Variants in FGL1 observed in about 807,000 individuals in gnomAD.
The protein encoded by FGL1 is fibrinogen like 1.
FGL1 carries 59 observed loss-of-function variants against 43.7 expected under a neutral mutation model. That is an observed-to-expected ratio of 1.35 (90% confidence interval 1.10 to 1.68). FGL1 has a LOEUF of 1.68. Ranked by LOEUF, FGL1 falls within the 40% of genes most tolerant of loss-of-function variation. The pLI, the probability that FGL1 is intolerant of heterozygous loss-of-function variation, is 0.00. For missense variants in FGL1, 596 were observed against 373.0 expected (o/e 1.60, Z -4.92); for synonymous variants, 192 against 126.5 (o/e 1.52, Z -3.48).
chr8:17,871,703 T>C (rs564339481), intron 5 of FGL1, among the ~76,000 whole-genome samples: 1 of 152,170 alleles, frequency 6.6e-6, no homozygotes, highest in Non-Finnish European at 1.5e-5. Flanking sequence ...TTAGCCGTAA[T>C]GCTCTCATAA....
chr8:17,887,120 G>T (rs537251298), intron 1 of FGL1, among the ~76,000 whole-genome samples: 1 of 152,062 alleles, frequency 6.6e-6, no homozygotes, highest in Non-Finnish European at 1.5e-5. Flanking sequence ...AAAGGGTGAG[G>T]CTTTCCCAGG....
At chr8:17,883,508 T>A (rs2053581442) in intron 2 of FGL1, among the ~76,000 whole-genome samples, 1 of 114,528 alleles carries the variant, frequency 8.7e-6, no homozygotes, top group Non-Finnish European at 1.6e-5. Flanking sequence ...TATATTTATA[T>A]ATAATATAAT....
At chr8:17,882,212 C>A in intron 2 of FGL1, 33 bp from the exon 3 acceptor site, 1 of 1,529,346 alleles carries the variant, frequency 6.5e-7, no homozygotes, top group Non-Finnish European at 8.8e-7. Flanking sequence ...TGAGTATGCA[C>A]CTCATTTTCA....
intron 3 of FGL1, 79 bp downstream of exon 3, chr8:17,881,920 C>T: frequency 8.5e-7 from 1 of 1,173,536 alleles, no homozygotes; most frequent in Non-Finnish European, 1.2e-6. Context: ...ATAGGAAAAG[C>T]CTGAAATAAC....
At chr8:17,885,694 G>A (rs1012540986) in intron 1 of FGL1, 123 bp from the exon 2 acceptor site, 27 of 702,980 alleles carry the variant, frequency 3.8e-5, no homozygotes, top group African/African-American at 2.9e-4. Context: ...TCTTAGAGTC[G>A]CCGAGGAAAT....
chr8:17,874,800 T>C (rs1585133700), intron 3 of FGL1: 1 of 224,590 alleles, frequency 4.5e-6, no homozygotes, highest in East Asian at 9.1e-5. Flanking sequence ...TCTTTTTTCT[T>C]TTACATTTTT....
intron 3 of FGL1, 133 bp downstream of exon 3, chr8:17,881,866 G>C (rs1332658494): frequency 3.2e-6 from 2 of 617,152 alleles, no homozygotes; most frequent in African/African-American, 3.8e-5. Flanking sequence ...TGTGAAAGAA[G>C]ACATTTACAA....
At chr8:17,892,910 T>TA (rs1389782583) in intron 1 of FGL1, among the ~76,000 whole-genome samples, 1 of 152,138 alleles carries the variant, frequency 6.6e-6, no homozygotes, top group Middle Eastern at 3.2e-3. Flanking sequence ...CTTAAAAAGT[T>TA]AGAGCTTAGC....
chr8:17,877,897 T>C (rs1189177746), intron 3 of FGL1, among the ~76,000 whole-genome samples: 2 of 152,216 alleles, frequency 1.3e-5, no homozygotes, highest in African/African-American at 4.8e-5. Context: ...ATAATGTCCA[T>C]AGATAGCTGG....
chr8:17,895,309 A>G (rs867563432), intron 1 of FGL1, 138 bp downstream of exon 1: 17 of 1,106,050 alleles, frequency 1.5e-5, no homozygotes, highest in Middle Eastern at 2.8e-4. Context: ...AAGTAGCAGA[A>G]GCAGACTCCT....
intron 5 of FGL1, among the ~76,000 whole-genome samples, chr8:17,873,701 ACT>A (rs1491479611): frequency 1.6e-3 from 108 of 67,340 alleles, no homozygotes; most frequent in African/African-American, 3.5e-3. Context: ...ACATATAGCG[ACT>A]TATATTCTAT....
intron 5 of FGL1, among the ~76,000 whole-genome samples, chr8:17,870,200 A>T (rs893859926): frequency 2.6e-5 from 4 of 152,206 alleles, no homozygotes; most frequent in Admixed American, 2.6e-4. Context: ...TGATGACAAA[A>T]AATCTCTAAA....
intron 3 of FGL1, among the ~76,000 whole-genome samples, chr8:17,880,732 T>C (rs2467074): frequency 0.22 from 33,026 of 151,996 alleles, 5,305 homozygotes; most frequent in African/African-American, 0.46. Flanking sequence ...ACAAAGTGCT[T>C]TCGCTAGCAT....
At chr8:17,871,551 T>G (rs1010118283) in intron 5 of FGL1, among the ~76,000 whole-genome samples, 2 of 152,184 alleles carry the variant, frequency 1.3e-5, no homozygotes, top group Non-Finnish European at 2.9e-5. Flanking sequence ...ACTCAATTTT[T>G]TGGCTAACAT....
chr8:17,893,570 A>G (rs1585155695), intron 1 of FGL1, among the ~76,000 whole-genome samples: 2 of 148,862 alleles, frequency 1.3e-5, no homozygotes, highest in African/African-American at 5.2e-5. Flanking sequence ...AGATAATCCA[A>G]TAATCAAAAA....
intron 5 of FGL1, among the ~76,000 whole-genome samples, chr8:17,873,186 A>AT (rs2053391300): frequency 6.6e-6 from 1 of 152,190 alleles, no homozygotes; most frequent in Non-Finnish European, 1.5e-5. Context: ...TTTAAAAAAA[A>AT]GTCTGAGCTG....
At chr8:17,895,306 A>T (rs1308473254) in intron 1 of FGL1, 141 bp downstream of exon 1, 52 of 1,094,106 alleles carry the variant, frequency 4.8e-5, no homozygotes, top group Admixed American at 8.4e-5. Flanking sequence ...TCCAAGTAGC[A>T]GAAGCAGACT....
chr8:17,874,130 A>C lies in FGL1; in HGVS notation c.405-14T>G. The C allele has an allele frequency of 6.2e-7, 1 of 1,603,524 alleles. No individual in the cohort carries two copies. The highest frequency in any genetic ancestry group is 1.7e-5 in the Admixed American group (1 of 58,992). On this transcript the variant is annotated splice_polypyrimidine_tract_variant and intron_variant, in intron 4 of 7. Coordinates refer to ENST00000427924, the MANE Select transcript of FGL1 (RefSeq NM_004467.4). The stretch of plus-strand genomic sequence containing the variant: ...TCTTTCCATCCTCTAAAAAAGGTAA[A>C]GTGGAAGCCGATTAGAGCAAACTCC...
chr8:17,888,244 T>C (rs1034048286), intron 1 of FGL1, among the ~76,000 whole-genome samples: 8 of 152,210 alleles, frequency 5.3e-5, no homozygotes, highest in African/African-American at 1.9e-4. Context: ...GGGGTGAGAA[T>C]AGGATTGCAA....
Sources: gnomAD v4.1 joint callset for allele counts (sites outside exome capture counted in the v4.1 genomes callset) on GRCh38, gnomAD v4.1.1 for gene constraint, MANE v1.5 for transcripts, NCBI Gene and HGNC (gene_info 2026-07-23, HGNC 2026-07-21) for gene names.